The following MED25 variants were observed in gnomAD, a reference collection of about 807,000 sequenced individuals.
MED25 encodes mediator of RNA polymerase II transcription subunit 25.
In MED25, 62 loss-of-function variants were observed where a neutral mutation model predicts 89.4. The ratio of observed to expected loss-of-function variants is 0.69; its 90% CI spans 0.57 to 0.86. The LOEUF (loss-of-function observed/expected upper bound fraction) is 0.86, where lower values mean the gene tolerates loss of function less well. Among genes scored for constraint, MED25 ranks in the 40% least tolerant of loss-of-function variants. The pLI is 0.00. For missense variants in MED25, 905 were observed against 1,005.2 expected (o/e 0.90, Z 1.35); for synonymous variants, 449 against 427.9 (o/e 1.05, Z -0.61).
At chr19:49,818,962 G>A (rs1420065078) in intron 2 of MED25, 18 of 535,044 alleles carry the variant, frequency 3.4e-5, no homozygotes, top group East Asian at 1.8e-4. Flanking sequence ...TGGGGCCTGG[G>A]CTCCTGGGTC....
chr19:49,828,240 A>C (rs1353759594), intron 3 of MED25, among the ~76,000 whole-genome samples: 1 of 151,330 alleles, frequency 6.6e-6, no homozygotes, highest in Non-Finnish European at 1.5e-5. Context: ...AAAAAAAAAA[A>C]AAACACAGAC....
chr19:49,824,534 G>A (rs867701321), intron 3 of MED25, among the ~76,000 whole-genome samples: 6 of 151,022 alleles, frequency 4.0e-5, no homozygotes, highest in African/African-American at 1.5e-4. Flanking sequence ...GCAGTGAGCC[G>A]AGATTGTGCC....
Position 49,829,695 on chromosome 19 carries a change from C to T in MED25, c.526-91C>T, listed in dbSNP as rs887361321. ...ATTGTGGTTGTAGGGCTGGTGCCGT[C>T]CAGCCACACAGCAGTTGTGGTAGGT... On this transcript the variant is annotated intron_variant, in intron 5 of 17. Coordinates refer to ENST00000312865, the MANE Select transcript of MED25 (RefSeq NM_030973.4). The surrounding 1 kb of genome is among the most constrained non-coding windows in gnomAD (Gnocchi z 4.6). 5.1e-5 allele frequency: 71 copies of T among 1,382,750 alleles called. No homozygotes were observed. The highest frequency in any genetic ancestry group is 8.1e-5 in the Admixed American group (4 of 49,128). The allele number at this position is 1,382,750 out of a possible 1,614,324, so 85.7% of individuals were successfully genotyped here.
intron 2 of MED25, 158 bp from the exon 3 acceptor site, chr19:49,819,010 TGAGG>T: frequency 3.3e-6 from 3 of 897,026 alleles, no homozygotes; most frequent in Non-Finnish European, 5.3e-6. Context: ...TTCCTGGGTC[TGAGG>T]GAGAAGGGGC....
Position 49,827,552 on chromosome 19 carries a change from C to CTG in MED25, c.306-887_306-886dup, listed in dbSNP as rs372831093. 5.3e-5 allele frequency among the ~76,000 whole-genome samples: 8 copies of CTG among 152,224 alleles called. No homozygotes were observed. In the East Asian group the frequency reaches 1.2e-3, roughly 22 times the overall value. On this transcript the variant is annotated intron_variant, in intron 3 of 17. Coordinates refer to ENST00000312865, the MANE Select transcript of MED25 (RefSeq NM_030973.4). ...CTCTCTGTGTCCTTGTGTCTTCCCT[C>CTG]TGTGTGTGTGTCCGTGTCCACGTTT... is the stretch of plus-strand genomic sequence containing the variant.
chr19:49,821,803 T>C lies in MED25; in HGVS notation c.305+2507T>C, dbSNP rs1194858718. On this transcript the variant is annotated intron_variant, in intron 3 of 17. Coordinates refer to ENST00000312865, the MANE Select transcript of MED25 (RefSeq NM_030973.4). ...TGCACTCCAGCCTGGGCAACAAGAG[T>C]GAAATTCTGTCTCAAAAAAAAAAAA... 8.0e-3 allele frequency among the ~76,000 whole-genome samples: 825 copies of C among 102,630 alleles called. 8 individuals carry two copies. The highest frequency in any genetic ancestry group is 0.03 in the African/African-American group (762 of 25,072). 67.3% of individuals were successfully genotyped at this position (102,630 alleles called of 152,430 possible). A position where few individuals can be genotyped will look rare whatever the true frequency, so the allele number is the denominator to read the frequency against.
rs2073960854 is a variant in MED25 at position 49,818,950 on chromosome 19, G to GC, written c.181-221dup. 8 of 618,128 alleles carry GC rather than the reference G, an allele frequency of 1.3e-5. No individual in the cohort carries two copies. In the East Asian group the frequency reaches 2.3e-4, roughly 18 times the overall value. 38.3% of individuals were successfully genotyped at this position (618,128 alleles called of 1,614,324 possible). A position where few individuals can be genotyped will look rare whatever the true frequency, so the allele number is the denominator to read the frequency against. On this transcript the variant is annotated intron_variant, in intron 2 of 17. Transcript: ENST00000312865. ...GATTCCTGGGTCTGAGGGAGGAGGT[G>GC]CTGGGGCCTGGGCTCCTGGGTCTGA...
rs140379422 is a variant in MED25, at chr19:49,819,285, C to G, written c.294C>G (p.Leu98=). ...TSSAYEFVTW[L]DGIKFMGGGG... The stretch of plus-strand genomic sequence containing the variant: ...GCGCCTATGAGTTTGTCACCTGGCT[C>G]GATGGCATTAAGTGAGCTTTCCCCC... The change falls in exon 3 of 18, where the codon CTC becomes CTG. Residue 98 remains leucine, a synonymous_variant. Coordinates refer to ENST00000312865, the MANE Select transcript of MED25 (RefSeq NM_030973.4). The G allele has an allele frequency of 1.1e-5, 18 of 1,599,742 alleles. No individual in the cohort carries two copies. In the East Asian group the frequency reaches 1.8e-4, roughly 16 times the overall value.
chr19:49,818,547 A>C, intron 1 of MED25, 24 bp from the exon 2 acceptor site: 2 of 1,614,060 alleles, frequency 1.2e-6, no homozygotes, highest in Non-Finnish European at 8.5e-7. Context: ...CCTGACTCCG[A>C]CCTTTCACTT....
At chr19:49,827,280 C>G (rs1020794943) in intron 3 of MED25, among the ~76,000 whole-genome samples, 1 of 152,176 alleles carries the variant, frequency 6.6e-6, no homozygotes, top group African/African-American at 2.4e-5. Flanking sequence ...TGCTGCGACG[C>G]GACTGCAGAT....
At position 49,835,148 on chromosome 19, in the gene MED25, C is replaced by T; in HGVS notation, c.1645C>T (p.Gln549Ter). ...QVITNHKQVQ[Q>*]QKLEQQQRGM... ...CATCACCAACCACAAGCAGGTCCAG[C>T]AGCAGAAGCTGGAGCAGCAGCAGCG... Residue 549 changes from glutamine to a stop codon, truncating the protein, a stop_gained, in exon 14 of 18, where the codon CAG (glutamine) becomes TAG (stop). Transcript: ENST00000312865. LOFTEE classifies it high-confidence loss of function. The surrounding 1 kb of genome is among the most constrained non-coding windows in gnomAD (Gnocchi z 6.2). 1 of 1,614,070 alleles carries T rather than the reference C, an allele frequency of 6.2e-7. No homozygotes were observed. The highest frequency in any genetic ancestry group is 8.5e-7 in the Non-Finnish European group (1 of 1,180,024).
Position 49,829,860 on chromosome 19 carries a change from C to T in MED25, c.600C>T (p.Pro200=), listed in dbSNP as rs753910880. ...GGCTTCTGTTTGAGAAGGCAGCCCC[C>T]CCGGCCTTGCTGGAGCCGCTGCAGC... The part of the protein sequence containing the change: ...ALRLLFEKAA[P]PALLEPLQPP... Residue 200 remains proline (P), a synonymous_variant, in exon 6 of 18, where the codon CCC becomes CCT. Transcript: ENST00000312865. This position sits in a 1 kb window ranked among gnomAD's most constrained non-coding sequence, Gnocchi z 4.6. The T allele has an allele frequency of 2.9e-5, 46 of 1,612,762 alleles. No homozygotes were observed. Among genetic ancestry groups the T allele is most frequent in the Non-Finnish European group, 3.9e-5 (46 of 1,179,772 alleles).
At chr19:49,832,264 C>G (rs2074063664) in intron 12 of MED25, 44 bp from the exon 13 acceptor site, 1 of 1,532,284 alleles carries the variant, frequency 6.5e-7, no homozygotes, top group Non-Finnish European at 9.0e-7. Context: ...CCCCGCCTCA[C>G]TTGCCCACAC....
Position 49,834,580 on chromosome 19 carries a change from G to A in MED25, c.1483-406G>A, listed in dbSNP as rs2074081940. 3.3e-6 allele frequency: 1 copy of A among 306,228 alleles called. No homozygotes were observed. The highest frequency in any genetic ancestry group is 6.4e-6 in the Non-Finnish European group (1 of 155,898). The allele number at this position is 306,228 out of a possible 1,614,324, so 19.0% of individuals were successfully genotyped here. A position where few individuals can be genotyped will look rare whatever the true frequency, so the allele number is the denominator to read the frequency against. ...GGCTGGAGGATCTCTTGGATACCCG[G>A]GGTCCGACCCACCGTTGATCACAGG... On this transcript the variant is annotated intron_variant, in intron 13 of 17. Coordinates refer to ENST00000312865, the MANE Select transcript of MED25 (RefSeq NM_030973.4). This position sits in a 1 kb window ranked among gnomAD's most constrained non-coding sequence, Gnocchi z 4.1.
chr19:49,837,628 G>A (rs978524837), downstream of MED25, among the ~76,000 whole-genome samples: 6 of 152,088 alleles, frequency 3.9e-5, no homozygotes, highest in Admixed American at 2.0e-4. Flanking sequence ...TGGCGGTGTC[G>A]GGGGCTGGGG....
Position 49,829,101 on chromosome 19 carries a change from CAGGGTCTGAGGGACG to C in MED25, c.525+20_525+34del, listed in dbSNP as rs766617168. 1.5e-4 allele frequency: 245 copies of C among 1,612,262 alleles called. 1 individual carries two copies. The highest frequency in any genetic ancestry group is 4.2e-6 in the Non-Finnish European group (5 of 1,179,096). The stretch of plus-strand genomic sequence containing the variant: ...CAGCAGATTGGGGAGGTGAGGACTC[CAGGGTCTGAGGGACG>C]AGGGTCTGGGGGCCCGGAGTCTTGG... On this transcript the variant is annotated intron_variant, in intron 5 of 17. Transcript: ENST00000312865. This position sits in a 1 kb window ranked among gnomAD's most constrained non-coding sequence, Gnocchi z 4.6.
rs887181507 is a variant in MED25, at chr19:49,834,624, T to C, written c.1483-362T>C. ...TCACAGGCCTGTGGGTACCACGCTG[T>C]GCATCTAGGCCGCTCTCCCGGCCGT... On this transcript the variant is annotated intron_variant, in intron 13 of 17. Transcript: ENST00000312865. The surrounding 1 kb of genome is among the most constrained non-coding windows in gnomAD (Gnocchi z 4.1). 2 of 372,680 alleles carry C rather than the reference T, an allele frequency of 5.4e-6. No homozygotes were observed. Among genetic ancestry groups the C allele is most frequent in the Admixed American group, 7.4e-5 (2 of 26,944 alleles). 23.1% of individuals were successfully genotyped at this position (372,680 alleles called of 1,614,324 possible). A position where few individuals can be genotyped will look rare whatever the true frequency, so the allele number is the denominator to read the frequency against.
chr19:49,826,846 A>T (rs146402590), intron 3 of MED25, among the ~76,000 whole-genome samples: 41 of 151,898 alleles, frequency 2.7e-4, no homozygotes, highest in Non-Finnish European at 5.6e-4. Context: ...AGTTGAGAGG[A>T]CCTATAGGTG....
intron 3 of MED25, among the ~76,000 whole-genome samples, chr19:49,823,944 A>G (rs1010859771): frequency 6.6e-6 from 1 of 152,128 alleles, no homozygotes; most frequent in Non-Finnish European, 1.5e-5. Context: ...AAATGTCTCC[A>G]GGCATTATAA....
Sources: gnomAD v4.1 joint callset for allele counts (sites outside exome capture counted in the v4.1 genomes callset) on GRCh38, gnomAD v4.1.1 for gene constraint, Gnocchi (gnomAD v3.1) non-coding constraint, MANE v1.5 for transcripts, NCBI Gene and HGNC (gene_info 2026-07-23, HGNC 2026-07-21) for gene names.